Variants in REEP5 observed in about 807,000 individuals in gnomAD.
The protein encoded by REEP5 is receptor expression-enhancing protein 5.
REEP5 carries 24 observed loss-of-function variants against 22.4 expected under a neutral mutation model. The ratio of observed to expected loss-of-function variants is 1.07; its 90% confidence interval spans 0.78 to 1.51. The LOEUF is 1.51. REEP5 is among the 40% of genes most tolerant of loss of function. REEP5 has a pLI of 0.00. For synonymous variants in REEP5, 103 were observed against 88.6 expected (o/e 1.16, Z -0.92); for missense variants, 252 against 233.0 (o/e 1.08, Z -0.53).
In REEP5 at chr5:112,876,917, C is replaced by T. The variant is rs1280681516; in HGVS notation, c.*1869G>A. The T allele has an allele frequency of 6.6e-6, 1 of 152,074 alleles. No homozygotes were observed. Among genetic ancestry groups the T allele is most frequent in the Admixed American group, 6.5e-5 (1 of 15,274 alleles). The allele number at this position is 152,074 out of a possible 1,614,324, so 9.4% of individuals were successfully genotyped here. A position where few individuals can be genotyped will look rare whatever the true frequency, so the allele number is the denominator to read the frequency against. On this transcript the variant is annotated 3_prime_UTR_variant, in exon 5 of 5. Coordinates refer to ENST00000379638, the MANE Select transcript of REEP5 (RefSeq NM_005669.5). ...ATGAGCAATAGTAACTTTTGTACCT[C>T]CTCATCTTGTCTGATAATATATTCT...
chr5:112,876,839 G>A lies in REEP5; in HGVS notation c.*1947C>T, dbSNP rs1767909117. ...GGTCTCAAGGGAACAAAAAAAAATT[G>A]CATTCAGAATTTAATATAGTATTTT... is the stretch of plus-strand genomic sequence containing the variant. On this transcript the variant is annotated 3_prime_UTR_variant, in exon 5 of 5. Coordinates refer to ENST00000379638, the MANE Select transcript of REEP5 (RefSeq NM_005669.5). The A allele has an allele frequency of 6.6e-6, 1 of 151,558 alleles. No individual in the cohort carries two copies. The highest frequency in any genetic ancestry group is 6.6e-5 in the Admixed American group (1 of 15,204). The allele number at this position is 151,558 out of a possible 1,614,324, so 9.4% of individuals were successfully genotyped here. A position where few individuals can be genotyped will look rare whatever the true frequency, so the allele number is the denominator to read the frequency against.
At position 112,899,190 on chromosome 5, in the gene REEP5, C is replaced by T. The variant is rs548813747; in HGVS notation, c.351+3190G>A. 7.0e-4 allele frequency among the ~76,000 whole-genome samples: 106 copies of T among 151,962 alleles called. 2 individuals are homozygous for T. The South Asian group carries it at 0.014, about 19-fold the overall frequency. ...AACTCCTGGGCTCAAACCATCCTCC[C>T]ACCTCAGCCTCCTGAGCAGATGGGA... On this transcript the variant is annotated intron_variant, in intron 3 of 4. Transcript: ENST00000379638.
chr5:112,885,871 C>A, intron 4 of REEP5: 2 of 194,762 alleles, frequency 1.0e-5, no homozygotes. Flanking sequence ...AATTCGTGGT[C>A]TCAGTGAAGG....
At chr5:112,891,491 T>G in intron 3 of REEP5, 1 of 1,061,264 alleles carries the variant, frequency 9.4e-7, no homozygotes, top group Non-Finnish European at 1.3e-6. Context: ...TGAAAGTAAT[T>G]TGTAATATAT....
chr5:112,884,236 C>A (rs942919963), intron 4 of REEP5, among the ~76,000 whole-genome samples: 7 of 152,132 alleles, frequency 4.6e-5, no homozygotes, highest in Non-Finnish European at 8.8e-5. Context: ...TTATGTGATA[C>A]GTCTTCCAGC....
chr5:112,908,477 C>G (rs528555113), intron 2 of REEP5, among the ~76,000 whole-genome samples: 1 of 152,196 alleles, frequency 6.6e-6, no homozygotes, highest in South Asian at 2.1e-4. Context: ...AAAATAAACA[C>G]TAAAGTGAAC....
At chr5:112,912,165 T>C (rs749653251) in intron 2 of REEP5, among the ~76,000 whole-genome samples, 14 of 152,160 alleles carry the variant, frequency 9.2e-5, no homozygotes, top group Non-Finnish European at 1.9e-4. Context: ...AACTGAATTT[T>C]ATAAAAGTTA....
chr5:112,911,888 AAAT>A (rs1167968594), intron 2 of REEP5, among the ~76,000 whole-genome samples: 2 of 152,202 alleles, frequency 1.3e-5, no homozygotes, highest in African/African-American at 2.4e-5. Context: ...TACAGGAAAA[AAAT>A]AATAAGACAA....
chr5:112,907,010 A>G (rs1046443704), intron 2 of REEP5, among the ~76,000 whole-genome samples: 2 of 152,252 alleles, frequency 1.3e-5, no homozygotes, highest in African/African-American at 4.8e-5. Context: ...CAACTCTAAT[A>G]TGATCTAGAA....
chr5:112,893,269 G>C (rs1768557869), intron 3 of REEP5: 1 of 273,132 alleles, frequency 3.7e-6, no homozygotes, highest in South Asian at 4.2e-5. Context: ...AATTAGCCAG[G>C]TGTGGTGGCA....
At chr5:112,908,797 C>T (rs1210004770) in intron 2 of REEP5, among the ~76,000 whole-genome samples, 4 of 151,672 alleles carry the variant, frequency 2.6e-5, no homozygotes, top group Admixed American at 1.3e-4. Context: ...CCTCGTGATC[C>T]GCCCACCTCG....
At chr5:112,897,351 T>A (rs387577) in intron 3 of REEP5, 9,228 of 97,752 alleles carry the variant, frequency 0.094, 803 homozygotes, top group African/African-American at 0.37. Context: ...ACACATCCCA[T>A]CACACACACA....
intron 4 of REEP5, among the ~76,000 whole-genome samples, chr5:112,880,887 G>C (rs569500447): frequency 6.6e-6 from 1 of 152,268 alleles, no homozygotes; most frequent in South Asian, 2.1e-4. Context: ...CCAGCATTTT[G>C]AGAGGCCGAG....
At chr5:112,921,344 G>C (rs1292184458) in intron 1 of REEP5, 88 bp from the exon 2 acceptor site, 13 of 1,242,644 alleles carry the variant, frequency 1.0e-5, no homozygotes, top group Admixed American at 7.7e-5. Context: ...GGCTGGGCCT[G>C]TTGTAGGAGT....
chr5:112,889,444 T>TA (rs1223999812), intron 3 of REEP5, among the ~76,000 whole-genome samples: 1 of 150,706 alleles, frequency 6.6e-6, no homozygotes, highest in Non-Finnish European at 1.5e-5. Flanking sequence ...GCAAAATAAG[T>TA]AAATAGGATG....
chr5:112,893,714 G>C (rs1177911656), intron 3 of REEP5: 3 of 152,216 alleles, frequency 2.0e-5, no homozygotes, highest in Non-Finnish European at 4.4e-5. Context: ...GTGCAATCAT[G>C]CAAAAACTCA....
Position 112,878,636 on chromosome 5 carries a change from C to CAAAG in REEP5, c.*146_*149dup, listed in dbSNP as rs1266427708. ...TATATATATAGACAGTAAAAGTAAG[C>CAAAG]AAAGAAACTTACAACACATTCCAAT... On this transcript the variant is annotated 3_prime_UTR_variant, in exon 5 of 5. Transcript: ENST00000379638. 1.7e-6 allele frequency: 2 copies of CAAAG among 1,154,572 alleles called. No homozygotes were observed. Among genetic ancestry groups the CAAAG allele is most frequent in the East Asian group, 2.5e-5 (1 of 39,404 alleles). 71.5% of individuals were successfully genotyped at this position (1,154,572 alleles called of 1,614,324 possible).
intron 3 of REEP5, among the ~76,000 whole-genome samples, chr5:112,888,685 C>G (rs1284967924): frequency 6.6e-6 from 1 of 150,878 alleles, no homozygotes; most frequent in Non-Finnish European, 1.5e-5. Context: ...TGAAATGTAA[C>G]CTTTGTGAAT....
At position 112,892,008 on chromosome 5, in the gene REEP5, GAGAGA is replaced by G. The variant is rs780625800; in HGVS notation, c.352-4830_352-4826del. 3.1e-6 allele frequency: 4 copies of G among 1,287,150 alleles called. No individual in the cohort carries two copies. The African/African-American group carries it at 4.3e-5, about 14-fold the overall frequency. 79.7% of individuals were successfully genotyped at this position (1,287,150 alleles called of 1,614,324 possible). A position where few individuals can be genotyped will look rare whatever the true frequency, so the allele number is the denominator to read the frequency against. On this transcript the variant is annotated intron_variant, in intron 3 of 4. Transcript: ENST00000379638. ...AATGGAAAGAACAGCAGAGGAAAGA[GAGAGA>G]AGAGGAGGAGCAGAAACAACAGGAG...
Sources: allele counts gnomAD v4.1 joint callset (sites outside exome capture counted in the v4.1 genomes callset), GRCh38; gene constraint gnomAD v4.1.1; transcripts MANE v1.5; gene names NCBI Gene and HGNC (gene_info 2026-07-23, HGNC 2026-07-21).